Variants in ATRX observed in about 807,000 individuals in gnomAD.
The protein encoded by ATRX is ATRX chromatin remodeler.
Under a neutral mutation model 172.6 loss-of-function variants are expected in ATRX, and 12 were observed. That is an observed-to-expected ratio of 0.07 (90% CI 0.04 to 0.11). ATRX has a LOEUF of 0.11. ATRX is among the 10% of genes least tolerant of loss of function. The probability of loss-of-function intolerance (pLI) is 1.00; values close to 1 mark genes in which losing one functional copy is unlikely to be tolerated. For missense variants in ATRX, 1,368 were observed against 1,767.4 expected, an observed-to-expected ratio of 0.77 and a Z score of 4.05; for synonymous variants, 674 against 594.7, an observed-to-expected ratio of 1.13 and a Z score of -1.94.
At chrX:77,748,047 T>C (rs1242501393) in intron 1 of ATRX, among the ~76,000 whole-genome samples, 1 of 111,919 alleles carries the variant, frequency 8.9e-6, no homozygotes, top group Non-Finnish European at 1.9e-5. Context: ...TGCATTCCTA[T>C]ACCTGTAGCT....
chrX:77,640,172 C>A (rs1299574950), intron 15 of ATRX, among the ~76,000 whole-genome samples: 1 of 111,367 alleles, frequency 9.0e-6, no homozygotes, highest in Admixed American at 9.6e-5. Flanking sequence ...CTATGAACTA[C>A]TGGAGGGGGA....
chrX:77,568,426 A>G (rs928889886), intron 28 of ATRX, among the ~76,000 whole-genome samples: 4 of 111,983 alleles, frequency 3.6e-5, no homozygotes, highest in Non-Finnish European at 7.5e-5. Flanking sequence ...AACACATTCA[A>G]TATAAAATAG....
chrX:77,626,806 T>G (rs1423725709), intron 19 of ATRX, among the ~76,000 whole-genome samples: 3 of 112,701 alleles, frequency 2.7e-5, no homozygotes, highest in African/African-American at 9.7e-5. Context: ...CTGTTTTTAT[T>G]TTGCTTAAGG....
intron 19 of ATRX, among the ~76,000 whole-genome samples, chrX:77,626,105 TA>T (rs1355547426): frequency 1.3e-5 from 1 of 79,874 alleles, no homozygotes; most frequent in African/African-American, 4.8e-5. Flanking sequence ...TACACAGCCA[TA>T]AAAAGGAATG....
In ATRX at chrX:77,626,299, G is replaced by T. The variant is rs2067849079; in HGVS notation, c.5135-5767C>A. ...GGACTTTGGGGTAAGAGTAGGAGGA[G>T]GGCAAGGGATAAAAGACAACATATA... is the stretch of plus-strand genomic sequence containing the variant. On this transcript the variant is annotated intron_variant, in intron 19 of 34. Transcript: ENST00000373344. Among the ~76,000 whole-genome samples the T allele has an allele frequency of 2.8e-5, 3 of 106,750 alleles. No homozygotes were observed. In the South Asian group the frequency reaches 1.3e-3, roughly 45 times the overall value. The allele number at this position is 106,750 out of a possible 115,157, so 92.7% of individuals were successfully genotyped here. A position where few individuals can be genotyped will look rare whatever the true frequency, so the allele number is the denominator to read the frequency against.
At position 77,592,882 on chromosome X, in the gene ATRX, G is replaced by T. The variant is rs782397472; in HGVS notation, c.6110+814C>A. On this transcript the variant is annotated intron_variant, in intron 26 of 34. Coordinates refer to ENST00000373344, the MANE Select transcript of ATRX (RefSeq NM_000489.6). ...GTGAAGATGCAAAGAAAGGAATGGTGGCAAAAATGTTAGAAGTGGAACAAA... is the reference window on the plus strand; with the variant it reads ...GTGAAGATGCAAAGAAAGGAATGGTTGCAAAAATGTTAGAAGTGGAACAAA... Among the ~76,000 whole-genome samples the T allele has an allele frequency of 7.3e-5, 8 of 110,249 alleles. No homozygotes were observed. The Admixed American group carries it at 7.8e-4, about 11-fold the overall frequency.
intron 15 of ATRX, among the ~76,000 whole-genome samples, chrX:77,647,340 C>A (rs2068969680): frequency 8.9e-6 from 1 of 111,929 alleles, no homozygotes; most frequent in African/African-American, 3.2e-5. Flanking sequence ...AAGAACCTAA[C>A]TTTACACCTT....
intron 34 of ATRX, among the ~76,000 whole-genome samples, chrX:77,516,020 A>G (rs1361706312): frequency 8.9e-6 from 1 of 111,875 alleles, no homozygotes; most frequent in Non-Finnish European, 1.9e-5. Flanking sequence ...TGGGAACTAA[A>G]TGATGAGAAC....
chrX:77,692,165 C>A (rs782308180), intron 6 of ATRX, among the ~76,000 whole-genome samples: 3 of 111,919 alleles, frequency 2.7e-5, no homozygotes, highest in Non-Finnish European at 5.6e-5. Context: ...ACACTCTGTA[C>A]ACTAAGTGTA....
intron 22 of ATRX, among the ~76,000 whole-genome samples, chrX:77,604,762 TCA>T (rs2066835901): frequency 2.7e-5 from 3 of 112,398 alleles, no homozygotes; most frequent in Non-Finnish European, 3.8e-5. Context: ...TAAGTGTCTA[TCA>T]AAAGATGAAC....
In ATRX at chrX:77,781,335, G is replaced by A. The variant is rs781835155; in HGVS notation, c.20+4647C>T. Among the ~76,000 whole-genome samples the A allele has an allele frequency of 1.5e-3, 164 of 107,781 alleles. 1 individual carries two copies. Among genetic ancestry groups the A allele is most frequent in the African/African-American group, 5.3e-3 (157 of 29,562 alleles). 93.6% of individuals were successfully genotyped at this position (107,781 alleles called of 115,157 possible). On this transcript the variant is annotated intron_variant, in intron 1 of 34. Coordinates refer to ENST00000373344, the MANE Select transcript of ATRX (RefSeq NM_000489.6). ...CAGGTGCCTGTAGTCCCGGCTACTC[G>A]GGAGGCTGAGGCAGGAGAATGGCGT...
chrX:77,674,994 T>C (rs1201952549), intron 10 of ATRX: 8 of 111,955 alleles, frequency 7.1e-5, no homozygotes, highest in African/African-American at 2.6e-4. Flanking sequence ...AAAATAAAAC[T>C]GTTCATTCAC....
At chrX:77,603,980 C>T (rs2066790408) in intron 22 of ATRX, among the ~76,000 whole-genome samples, 1 of 111,975 alleles carries the variant, frequency 8.9e-6, no homozygotes, top group Admixed American at 9.5e-5. Flanking sequence ...CAAAAATCAA[C>T]TCAAGATAGA....
At chrX:77,697,517 T>C in intron 4 of ATRX, 66 bp downstream of exon 4, 1 of 1,117,751 alleles carries the variant, frequency 8.9e-7, no homozygotes, top group Non-Finnish European at 1.2e-6. Flanking sequence ...GAAAAAAACA[T>C]GGTTTTAGAA....
intron 22 of ATRX, among the ~76,000 whole-genome samples, chrX:77,606,866 C>G (rs1163473114): frequency 1.1e-4 from 12 of 109,427 alleles, no homozygotes; most frequent in African/African-American, 3.3e-4. Flanking sequence ...TCGTTATGAA[C>G]AAAATAAAGG....
intron 30 of ATRX, among the ~76,000 whole-genome samples, chrX:77,524,694 T>C (rs1886700382): frequency 9.0e-6 from 1 of 110,926 alleles, no homozygotes; most frequent in Admixed American, 9.7e-5. Context: ...ATTTCCTTTC[T>C]TAACAGAACT....
chrX:77,547,642 G>C (rs1281228334), intron 30 of ATRX, among the ~76,000 whole-genome samples: 1 of 110,532 alleles, frequency 9.0e-6, no homozygotes, highest in African/African-American at 3.3e-5. Context: ...TTCTAAAGTT[G>C]CTTATATTAT....
intron 19 of ATRX, among the ~76,000 whole-genome samples, chrX:77,621,715 T>C (rs1557100079): frequency 8.9e-6 from 1 of 112,201 alleles, no homozygotes; most frequent in African/African-American, 3.2e-5. Context: ...GCTGTCAAAC[T>C]ATCTCCCATC....
intron 15 of ATRX, among the ~76,000 whole-genome samples, chrX:77,651,217 CAAA>C (rs1170232589): frequency 5.2e-3 from 85 of 16,449 alleles, no homozygotes; most frequent in South Asian, 0.042. Context: ...AACTCCATCT[CAAA>C]AAAAAAAAAA....
Sources: allele counts gnomAD v4.1 joint callset (sites outside exome capture counted in the v4.1 genomes callset), GRCh38; gene constraint gnomAD v4.1.1; transcripts MANE v1.5; gene names NCBI Gene and HGNC (gene_info 2026-07-23, HGNC 2026-07-21).